The following NRG4 variants were observed in gnomAD, a reference collection of about 807,000 sequenced individuals.
NRG4 encodes the protein pro-neuregulin-4, membrane-bound isoform.
A neutral mutation model predicts 15.0 loss-of-function variants in NRG4; 10 were observed. That is an observed-to-expected ratio of 0.67 (90% confidence interval 0.41 to 1.13). The LOEUF (loss-of-function observed/expected upper bound fraction) is 1.13. NRG4 is among the 50% of genes most tolerant of loss of function. NRG4 has a pLI of 0.00. For missense variants in NRG4, 139 were observed against 140.2 expected (o/e 0.99, Z 0.04); for synonymous variants, 41 against 50.1 (o/e 0.82, Z 0.77).
intron 3 of NRG4, among the ~76,000 whole-genome samples, chr15:75,996,500 T>C (rs757409155): frequency 6.6e-5 from 10 of 151,960 alleles, no homozygotes; most frequent in Non-Finnish European, 1.5e-5. Flanking sequence ...GACAGTGAAA[T>C]AAAGAGATAC....
intron 3 of NRG4, among the ~76,000 whole-genome samples, chr15:75,988,852 CCTT>C (rs1190709281): frequency 3.0e-5 from 4 of 134,286 alleles, no homozygotes; most frequent in African/African-American, 8.4e-5. Flanking sequence ...CCTGCACCTT[CCTT>C]TTTTTTTTTT....
intron 3 of NRG4, among the ~76,000 whole-genome samples, chr15:75,962,303 T>C (rs1005656526): frequency 6.6e-6 from 1 of 152,238 alleles, no homozygotes. Flanking sequence ...AATTGACTTT[T>C]TGTTGTATCT....
rs2031061153 is a variant in NRG4, at chr15:75,942,209, A to G, written c.*1429T>C. ...TAGAGATTTTTAGGGTGGTGAAACT[A>G]CTGTATACAATACTATAATAGTGGA... On this transcript the variant is annotated 3_prime_UTR_variant, in exon 6 of 6. Transcript: ENST00000394907. 6.6e-6 allele frequency: 1 copy of G among 152,062 alleles called. No individual in the cohort carries two copies. Among genetic ancestry groups the G allele is most frequent in the Non-Finnish European group, 1.5e-5 (1 of 68,016 alleles). The allele number at this position is 152,062 out of a possible 1,614,324, so 9.4% of individuals were successfully genotyped here.
At chr15:76,019,918 TA>T (rs937606546) in intron 5 of NRG4, among the ~76,000 whole-genome samples, 2 of 152,244 alleles carry the variant, frequency 1.3e-5, no homozygotes, top group African/African-American at 4.8e-5. Flanking sequence ...ATATTGTTTT[TA>T]CTAAAGGCTT....
chr15:76,034,011 ACTT>A (rs2035540329), intron 5 of NRG4, among the ~76,000 whole-genome samples: 2 of 152,212 alleles, frequency 1.3e-5, no homozygotes, highest in African/African-American at 2.4e-5. Context: ...GCACATACAC[ACTT>A]CTTCTCACAC....
chr15:76,059,705 C>T (rs539111990), exon 1 of NRG4: 1 of 151,866 alleles, frequency 6.6e-6, no homozygotes, highest in African/African-American at 2.4e-5. Flanking sequence ...AGCCGAGCCC[C>T]CGCCTCCGCC....
chr15:76,002,864 T>C (rs890523226), intron 3 of NRG4, among the ~76,000 whole-genome samples: 2 of 152,154 alleles, frequency 1.3e-5, no homozygotes, highest in East Asian at 3.8e-4. Context: ...AAGCAGGCAA[T>C]CTACCATCCT....
Position 76,011,240 on chromosome 15 carries a change from T to C in NRG4, c.-10A>G. On this transcript the variant is annotated 5_prime_UTR_variant, in exon 2 of 6. Transcript: ENST00000394907. ...AATTACCTGTTGGCATCTTAATTTG[T>C]AAATAGTTTCATTCTTGGTCAAGAG... The C allele has an allele frequency of 6.9e-7, 1 of 1,453,034 alleles. No homozygotes were observed. The highest frequency in any genetic ancestry group is 9.1e-7 in the Non-Finnish European group (1 of 1,094,902). The allele number at this position is 1,453,034 out of a possible 1,614,324, so 90.0% of individuals were successfully genotyped here.
chr15:76,011,126 G>C (rs538376943), intron 2 of NRG4, 95 bp downstream of exon 2: 12 of 1,040,622 alleles, frequency 1.2e-5, no homozygotes, highest in Middle Eastern at 4.6e-4. Flanking sequence ...TGTTGGAAGG[G>C]AATAATACAG....
At chr15:76,057,912 T>G (rs2036192486) in intron 1 of NRG4, among the ~76,000 whole-genome samples, 1 of 151,802 alleles carries the variant, frequency 6.6e-6, no homozygotes, top group Admixed American at 6.6e-5. Context: ...TGAAGTCGCA[T>G]GAACCCGAAT....
At chr15:75,974,994 T>C (rs183039579) in intron 3 of NRG4, among the ~76,000 whole-genome samples, 6 of 152,302 alleles carry the variant, frequency 3.9e-5, no homozygotes, top group Non-Finnish European at 5.9e-5. Context: ...TAAGTCTTTT[T>C]GTATGTCTCT....
chr15:75,973,559 G>A (rs1362871489), intron 3 of NRG4, among the ~76,000 whole-genome samples: 3 of 152,168 alleles, frequency 2.0e-5, no homozygotes, highest in Non-Finnish European at 4.4e-5. Context: ...CTAGCTCATT[G>A]AGAGTTTTTA....
Position 75,941,885 on chromosome 15 carries a change from A to C in NRG4, c.*1753T>G, listed in dbSNP as rs116522539. The C allele has an allele frequency of 4.0e-3, 589 of 148,384 alleles. 10 individuals carry two copies. Among genetic ancestry groups the C allele is most frequent in the African/African-American group, 0.014 (559 of 40,290 alleles). The allele number at this position is 148,384 out of a possible 1,614,324, so 9.2% of individuals were successfully genotyped here. On this transcript the variant is annotated 3_prime_UTR_variant, in exon 6 of 6. Transcript: ENST00000394907. ...TAATGCCTTTAAACTGTAACTTCAA[A>C]ATGGTTAAAATTTAAATCTTACGTA...
intron 3 of NRG4, among the ~76,000 whole-genome samples, chr15:75,967,955 T>C (rs1484980446): frequency 5.9e-5 from 9 of 152,194 alleles, no homozygotes; most frequent in African/African-American, 1.9e-4. Context: ...CTTAAGTAAG[T>C]CATTGAAAAT....
intron 3 of NRG4, among the ~76,000 whole-genome samples, chr15:75,987,641 G>A (rs2033846507): frequency 6.6e-6 from 1 of 152,186 alleles, no homozygotes; most frequent in South Asian, 2.1e-4. Context: ...AACTGAATCA[G>A]CTAGCACCTT....
At chr15:75,997,267 GTATTGCAAAGATATA>G (rs980432862) in intron 3 of NRG4, among the ~76,000 whole-genome samples, 9 of 151,794 alleles carry the variant, frequency 5.9e-5, no homozygotes, top group African/African-American at 2.2e-4. Context: ...TTAAAAATCT[GTATTGCAAAGATATA>G]TATTGCAAAG....
intron 3 of NRG4, among the ~76,000 whole-genome samples, chr15:75,993,165 A>AT (rs1206506210): frequency 1.3e-5 from 2 of 150,416 alleles, no homozygotes; most frequent in African/African-American, 2.4e-5. Context: ...TTCTCTTTAT[A>AT]TTTTTTTCCT....
At chr15:75,985,484 T>C (rs1311336278) in intron 3 of NRG4, among the ~76,000 whole-genome samples, 7 of 152,210 alleles carry the variant, frequency 4.6e-5, no homozygotes, top group Non-Finnish European at 1.5e-5. Flanking sequence ...TTCATATATG[T>C]ATCTTCTGCC....
In NRG4 at chr15:76,023,953, A is replaced by G. The variant is rs374800941; in HGVS notation, c.-57+11991T>C. Among the ~76,000 whole-genome samples, 11 of 152,120 alleles carry G rather than the reference A, an allele frequency of 7.2e-5. No homozygotes were observed. The East Asian group carries it at 1.9e-3, about 27-fold the overall frequency. ...GGGGCTACCAAGTAGCTGACAAGCA[A>G]CTCTTTGGGCTGTCCCCCAAACAGG... On this transcript the variant is annotated intron_variant, in intron 5 of 8. Transcript: ENST00000563910.
Sources: allele counts gnomAD v4.1 joint callset (sites outside exome capture counted in the v4.1 genomes callset), GRCh38; gene constraint gnomAD v4.1.1; transcripts MANE v1.5; gene names NCBI Gene and HGNC (gene_info 2026-07-23, HGNC 2026-07-21).